PLCB1: variants seen among roughly 807,000 people sequenced by gnomAD.
PLCB1 encodes the protein phospholipase C beta 1, also known as 1-phosphatidylinositol 4,5-bisphosphate phosphodiesterase beta-1.
PLCB1 carries 46 observed loss-of-function variants against 161.8 expected under a neutral mutation model. The observed-to-expected ratio is 0.28, with a 90% CI of 0.22 to 0.36. The LOEUF (loss-of-function observed/expected upper bound fraction) is 0.36. Ranked by LOEUF, PLCB1 falls within the 10% of genes least tolerant of loss-of-function variation. The pLI is 1.00. For synonymous variants in PLCB1, 517 were observed against 503.7 expected (o/e 1.03, Z -0.35); for missense variants, 1,016 against 1,472.5 (o/e 0.69, Z 5.07).
intron 3 of PLCB1, among the ~76,000 whole-genome samples, chr20:8,373,502 T>G (rs1221975865): frequency 6.6e-6 from 1 of 152,200 alleles, no homozygotes; most frequent in African/African-American, 2.4e-5. Context: ...CCTGGGAAAC[T>G]TTCAAAAATG....
chr20:8,284,664 C>T (rs1371083043), intron 2 of PLCB1, among the ~76,000 whole-genome samples: 2 of 152,124 alleles, frequency 1.3e-5, no homozygotes, highest in Non-Finnish European at 2.9e-5. Context: ...AATTGCCCCC[C>T]AAAATTAGCT....
At chr20:8,161,510 G>A (rs975739200) in intron 2 of PLCB1, among the ~76,000 whole-genome samples, 3 of 152,188 alleles carry the variant, frequency 2.0e-5, no homozygotes, top group African/African-American at 7.2e-5. Flanking sequence ...CTGGCTCTAT[G>A]TTCTGGCTCT....
intron 2 of PLCB1, among the ~76,000 whole-genome samples, chr20:8,318,314 A>T (rs531469720): frequency 2.0e-5 from 3 of 152,142 alleles, no homozygotes; most frequent in Admixed American, 2.0e-4. Context: ...CTGATTTTCT[A>T]GTGGGAGAAG....
intron 31 of PLCB1, among the ~76,000 whole-genome samples, chr20:8,836,594 T>G (rs532527836): frequency 2.0e-5 from 3 of 152,322 alleles, no homozygotes; most frequent in Non-Finnish European, 1.5e-5. Context: ...AATAACTCTG[T>G]TTCCATTAAT....
In PLCB1 at chr20:8,816,971, A is replaced by G. The variant is rs192353525; in HGVS notation, c.3423+26710A>G. Among the ~76,000 whole-genome samples the G allele has an allele frequency of 4.6e-5, 7 of 152,266 alleles. No homozygotes were observed. In the East Asian group the frequency reaches 9.6e-4, roughly 21 times the overall value. On this transcript the variant is annotated intron_variant, in intron 31 of 31. Transcript: ENST00000338037. ...TTAAAAAGAAATCCAATTCAGGCTA[A>G]AAGGAGCCATTATAGTTTCTTGATA...
intron 2 of PLCB1, among the ~76,000 whole-genome samples, chr20:8,250,198 G>A (rs1981067851): frequency 6.6e-6 from 1 of 151,884 alleles, no homozygotes; most frequent in Non-Finnish European, 1.5e-5. Context: ...TCCCATATCT[G>A]TGAAAATCTG....
chr20:8,774,879 A>G (rs966089670), intron 27 of PLCB1, among the ~76,000 whole-genome samples, 160 bp downstream of exon 27: 3 of 152,178 alleles, frequency 2.0e-5, no homozygotes, highest in Non-Finnish European at 4.4e-5. Context: ...TATTGTTTTT[A>G]TAAGCCCCAC....
chr20:8,506,254 C>G (rs989808675), intron 3 of PLCB1, among the ~76,000 whole-genome samples: 32 of 152,128 alleles, frequency 2.1e-4, no homozygotes, highest in Non-Finnish European at 4.1e-4. Flanking sequence ...GCATAGAATT[C>G]TAAGCTCTGT....
At chr20:8,523,257 A>C (rs909849471) in intron 3 of PLCB1, among the ~76,000 whole-genome samples, 2 of 151,756 alleles carry the variant, frequency 1.3e-5, no homozygotes, top group Non-Finnish European at 2.9e-5. Flanking sequence ...TAGTCTAGAC[A>C]CTAGGGATAT....
At chr20:8,406,691 T>C (rs866557971) in intron 3 of PLCB1, among the ~76,000 whole-genome samples, 6 of 152,256 alleles carry the variant, frequency 3.9e-5, no homozygotes, top group Middle Eastern at 6.8e-3. Flanking sequence ...GAAGAAGCAC[T>C]AGAAAATGAA....
At chr20:8,448,028 T>A (rs1384477659) in intron 3 of PLCB1, among the ~76,000 whole-genome samples, 1 of 152,214 alleles carries the variant, frequency 6.6e-6, no homozygotes, top group Non-Finnish European at 1.5e-5. Context: ...CCTACATATA[T>A]TTTCCTGTTC....
intron 9 of PLCB1, among the ~76,000 whole-genome samples, chr20:8,682,060 G>A (rs922850218): frequency 1.3e-5 from 2 of 152,094 alleles, no homozygotes; most frequent in Non-Finnish European, 2.9e-5. Context: ...GAAGGCAGAG[G>A]CTGTGTTTTA....
intron 2 of PLCB1, among the ~76,000 whole-genome samples, chr20:8,226,047 T>C (rs1395994476): frequency 6.6e-6 from 1 of 152,182 alleles, no homozygotes; most frequent in East Asian, 1.9e-4. Flanking sequence ...GTAAGGGCCA[T>C]CTTGTTCTTG....
chr20:8,430,974 AAGG>A (rs1447397442), intron 3 of PLCB1, among the ~76,000 whole-genome samples: 2 of 152,030 alleles, frequency 1.3e-5, no homozygotes, highest in African/African-American at 4.8e-5. Context: ...AAAGAAGAAA[AAGG>A]AGAAATTAAA....
At chr20:8,830,893 A>G (rs895817928) in intron 31 of PLCB1, among the ~76,000 whole-genome samples, 3 of 152,132 alleles carry the variant, frequency 2.0e-5, no homozygotes, top group Admixed American at 6.5e-5. Flanking sequence ...GGAGGCCTCC[A>G]CTGCCATCAG....
At chr20:8,543,566 G>A (rs1243767732) in intron 3 of PLCB1, among the ~76,000 whole-genome samples, 1 of 148,076 alleles carries the variant, frequency 6.8e-6, no homozygotes, top group East Asian at 1.9e-4. Context: ...CTCATCTATT[G>A]GTGCACTTAG....
chr20:8,817,073 G>A (rs1985116453), intron 31 of PLCB1, among the ~76,000 whole-genome samples: 1 of 152,178 alleles, frequency 6.6e-6, no homozygotes, highest in Admixed American at 6.5e-5. Flanking sequence ...AAGCAATCCT[G>A]AAGTCACCTG....
intron 31 of PLCB1, among the ~76,000 whole-genome samples, chr20:8,846,838 G>A (rs1233532367): frequency 1.3e-5 from 2 of 152,174 alleles, no homozygotes; most frequent in Non-Finnish European, 2.9e-5. Context: ...GTCCACTGGA[G>A]CAGAGTAGAG....
chr20:8,593,106 G>A (rs1987200957), intron 3 of PLCB1, among the ~76,000 whole-genome samples: 1 of 152,052 alleles, frequency 6.6e-6, no homozygotes, highest in South Asian at 2.1e-4. Context: ...AAGTAGTATA[G>A]CCCAGGCCTT....
Sources: gnomAD v4.1 joint callset for allele counts (sites outside exome capture counted in the v4.1 genomes callset) on GRCh38, gnomAD v4.1.1 for gene constraint, MANE v1.5 for transcripts, NCBI Gene and HGNC (gene_info 2026-07-23, HGNC 2026-07-21) for gene names.